ZNF678: variants seen among roughly 807,000 people sequenced by gnomAD.
ZNF678 encodes the protein zinc finger protein 678.
Under a neutral mutation model 3.0 loss-of-function variants are expected in ZNF678, and 5 were observed. The ratio of observed to expected loss-of-function variants is 1.69; its 90% CI spans 0.88 to 3.56. ZNF678 has a LOEUF of 3.56. Among genes scored for constraint, ZNF678 ranks in the 30% most tolerant of loss-of-function variants. ZNF678 has a pLI of 0.00. For synonymous variants in ZNF678, 218 were observed against 199.6 expected (o/e 1.09, Z -0.78); for missense variants, 593 against 605.0 (o/e 0.98, Z 0.21).
intron 3 of ZNF678, among the ~76,000 whole-genome samples, chr1:227,653,630 A>T (rs1192324876): frequency 6.6e-6 from 1 of 152,036 alleles, no homozygotes; most frequent in Non-Finnish European, 1.5e-5. Context: ...GCTAATAGCT[A>T]TTTGCCAGGC....
chr1:227,650,785 C>G (rs1659070811), intron 2 of ZNF678, among the ~76,000 whole-genome samples, 171 bp from the exon 3 acceptor site: 1 of 152,034 alleles, frequency 6.6e-6, no homozygotes, highest in African/African-American at 2.4e-5. Context: ...TAGAACAAAA[C>G]TGATATTTGT....
At chr1:227,597,791 A>G (rs1359397312) in intron 1 of ZNF678, among the ~76,000 whole-genome samples, 3 of 152,210 alleles carry the variant, frequency 2.0e-5, no homozygotes, top group Admixed American at 6.5e-5. Context: ...TCAGTAAAGG[A>G]TGACACTAAG....
Position 227,633,381 on chromosome 1 carries a change from A to G in ZNF678, c.-163-13163A>G, listed in dbSNP as rs60790626. Among the ~76,000 whole-genome samples, 1,354 of 152,278 alleles carry G rather than the reference A, an allele frequency of 8.9e-3. 27 individuals are homozygous for G. The highest frequency in any genetic ancestry group is 0.031 in the African/African-American group (1,292 of 41,564). On this transcript the variant is annotated intron_variant, in intron 1 of 3. Coordinates refer to ENST00000343776, the MANE Select transcript of ZNF678 (RefSeq NM_001367909.1). ...GCTCTCAGGCAACAGATGATTGACT[A>G]TTTCTTTACCTCCAGCTTTTAGCCT...
intron 1 of ZNF678, among the ~76,000 whole-genome samples, chr1:227,578,859 A>G (rs1657050377): frequency 1.3e-5 from 2 of 152,090 alleles, no homozygotes; most frequent in Non-Finnish European, 1.5e-5. Flanking sequence ...ATTGTTTCTC[A>G]TCTTTGTTAG....
In ZNF678 at chr1:227,650,936, T is replaced by G. The variant is rs548144865; in HGVS notation, c.-36-20T>G. ...TTTTATGGCTTTTAAAAAATTTTCTTGCCTAATTGTTCTGTCTAGGACTTC... is the reference window on the plus strand; with the variant it reads ...TTTTATGGCTTTTAAAAAATTTTCTGGCCTAATTGTTCTGTCTAGGACTTC... On this transcript the variant is annotated intron_variant, in intron 2 of 3. Transcript: ENST00000343776. 2.6e-6 allele frequency: 4 copies of G among 1,525,522 alleles called. No individual in the cohort carries two copies. The East Asian group carries it at 9.2e-5, about 35-fold the overall frequency. 94.5% of individuals were successfully genotyped at this position (1,525,522 alleles called of 1,614,324 possible). A position where few individuals can be genotyped will look rare whatever the true frequency, so the allele number is the denominator to read the frequency against.
chr1:227,591,706 C>T (rs1158552457), intron 1 of ZNF678, among the ~76,000 whole-genome samples: 1 of 152,074 alleles, frequency 6.6e-6, no homozygotes, highest in Non-Finnish European at 1.5e-5. Context: ...ATTTCCTGGG[C>T]TAAATACCTT....
intron 3 of ZNF678, among the ~76,000 whole-genome samples, chr1:227,651,632 G>A (rs545944294): frequency 1.8e-4 from 27 of 152,286 alleles, no homozygotes; most frequent in East Asian, 9.6e-4. Flanking sequence ...CAAGACCAGC[G>A]TCCTCAAGTT....
intron 2 of ZNF678, 137 bp downstream of exon 2, chr1:227,646,807 T>A: frequency 1.3e-6 from 1 of 770,164 alleles, no homozygotes; most frequent in Non-Finnish European, 1.8e-6. Flanking sequence ...AACTTGGGAA[T>A]TTGTTGGTGT....
chr1:227,584,558 AAAT>A (rs1657210288), intron 1 of ZNF678, among the ~76,000 whole-genome samples: 1 of 152,260 alleles, frequency 6.6e-6, no homozygotes, highest in Non-Finnish European at 1.5e-5. Context: ...ACATGTTAAA[AAAT>A]ATTCCATGAT....
At chr1:227,624,358 A>G (rs1252179202) in intron 1 of ZNF678, among the ~76,000 whole-genome samples, 1 of 152,226 alleles carries the variant, frequency 6.6e-6, no homozygotes, top group East Asian at 1.9e-4. Context: ...AAGCACCTTC[A>G]TAAGAACCAG....
At chr1:227,623,485 A>G (rs1352508257) in intron 1 of ZNF678, among the ~76,000 whole-genome samples, 1 of 152,218 alleles carries the variant, frequency 6.6e-6, no homozygotes, top group Non-Finnish European at 1.5e-5. Context: ...TATAGTGAAA[A>G]TGTTCCATAC....
chr1:227,629,271 A>AT (rs981661631), intron 1 of ZNF678, among the ~76,000 whole-genome samples: 91 of 152,300 alleles, frequency 6.0e-4, no homozygotes, highest in Admixed American at 1.8e-3. Flanking sequence ...TTACTCGTCC[A>AT]TATTGTCCTT....
chr1:227,588,739 A>T (rs1247850179), intron 1 of ZNF678, among the ~76,000 whole-genome samples: 5 of 151,990 alleles, frequency 3.3e-5, no homozygotes, highest in Non-Finnish European at 5.9e-5. Flanking sequence ...TCCTGGCCTC[A>T]AGTGATCCAC....
At chr1:227,647,736 C>T (rs1054518011) in intron 2 of ZNF678, among the ~76,000 whole-genome samples, 1 of 126,154 alleles carries the variant, frequency 7.9e-6, no homozygotes, top group Admixed American at 8.3e-5. Flanking sequence ...AAGTGATTTT[C>T]CTTTGAGGCA....
chr1:227,605,649 T>A (rs894884056), intron 1 of ZNF678, among the ~76,000 whole-genome samples: 1 of 152,210 alleles, frequency 6.6e-6, no homozygotes, highest in Non-Finnish European at 1.5e-5. Flanking sequence ...TTAGCCAAAA[T>A]TTTTTTCTGT....
At chr1:227,630,135 C>G (rs187509950) in intron 1 of ZNF678, among the ~76,000 whole-genome samples, 6 of 152,294 alleles carry the variant, frequency 3.9e-5, no homozygotes, top group Admixed American at 1.3e-4. Flanking sequence ...AGTTGGCCTT[C>G]AATAGAGTCA....
At chr1:227,600,029 C>T (rs1169141843) in intron 1 of ZNF678, among the ~76,000 whole-genome samples, 1 of 152,072 alleles carries the variant, frequency 6.6e-6, no homozygotes, top group Non-Finnish European at 1.5e-5. Context: ...TCCGTGTGTT[C>T]TCATTTAGTT....
intron 1 of ZNF678, among the ~76,000 whole-genome samples, chr1:227,589,513 T>G (rs1657352484): frequency 6.6e-6 from 1 of 151,588 alleles, no homozygotes; most frequent in South Asian, 2.1e-4. Flanking sequence ...AGGAAGAGGT[T>G]TATTCAGCTG....
At chr1:227,624,129 C>G (rs189432457) in intron 1 of ZNF678, among the ~76,000 whole-genome samples, 82 of 152,310 alleles carry the variant, frequency 5.4e-4, no homozygotes, top group African/African-American at 1.9e-3. Flanking sequence ...AAATACTTAT[C>G]TGTTTGGACA....
Sources: gnomAD v4.1 joint callset for allele counts (sites outside exome capture counted in the v4.1 genomes callset) on GRCh38, gnomAD v4.1.1 for gene constraint, MANE v1.5 for transcripts, NCBI Gene and HGNC (gene_info 2026-07-23, HGNC 2026-07-21) for gene names.